Variants in AFF3 observed in about 807,000 individuals in gnomAD.
AFF3 encodes AF4/FMR2 family member 3.
AFF3 carries 32 observed loss-of-function variants against 129.7 expected under a neutral mutation model. The observed-to-expected ratio is 0.25, with a 90% CI of 0.19 to 0.33. The LOEUF is 0.33. Among genes scored for constraint, AFF3 ranks in the 10% least tolerant of loss-of-function variants. The pLI, the probability that AFF3 is intolerant of heterozygous loss-of-function variation, is 1.00. For missense variants in AFF3, 1,373 were observed against 1,592.0 expected (o/e 0.86, Z 2.34); for synonymous variants, 644 against 635.4 (o/e 1.01, Z -0.20).
chr2:100,007,792 C>T (rs570348113), intron 5 of AFF3: 15 of 281,010 alleles, frequency 5.3e-5, no homozygotes, highest in African/African-American at 1.1e-4. Flanking sequence ...CTGACCAACA[C>T]GGCAAAACCC....
intron 4 of AFF3, among the ~76,000 whole-genome samples, chr2:100,074,336 ACT>A (rs1411292793): frequency 6.6e-6 from 1 of 151,262 alleles, no homozygotes; most frequent in Non-Finnish European, 1.5e-5. Context: ...TGTTCTTGCC[ACT>A]CTCTGTGTTC....
At chr2:99,998,381 C>T (rs1576510880) in intron 7 of AFF3, among the ~76,000 whole-genome samples, 2 of 152,092 alleles carry the variant, frequency 1.3e-5, no homozygotes, top group East Asian at 3.9e-4. Flanking sequence ...TGGGGGGTTT[C>T]AGCATGTAGC....
chr2:99,575,490 A>G (rs1239359918), intron 18 of AFF3, among the ~76,000 whole-genome samples: 1 of 146,934 alleles, frequency 6.8e-6, no homozygotes, highest in African/African-American at 2.5e-5. Context: ...CAAGCTCCTG[A>G]CCTCAAGTGA....
At chr2:99,842,029 G>C (rs905017456) in intron 7 of AFF3, among the ~76,000 whole-genome samples, 1 of 152,088 alleles carries the variant, frequency 6.6e-6, no homozygotes, top group Non-Finnish European at 1.5e-5. Flanking sequence ...TAGACCAAAG[G>C]GGGAAGAGAG....
intron 13 of AFF3, among the ~76,000 whole-genome samples, chr2:99,614,888 T>C (rs1681264593): frequency 6.6e-6 from 1 of 152,156 alleles, no homozygotes; most frequent in African/African-American, 2.4e-5. Context: ...TTCAGTTGAA[T>C]AAAGACCCAC....
At chr2:99,848,571 G>A (rs1170569820) in intron 7 of AFF3, among the ~76,000 whole-genome samples, 1 of 152,064 alleles carries the variant, frequency 6.6e-6, no homozygotes. Context: ...TGTGTTTACT[G>A]AATATAAAAT....
intron 7 of AFF3, among the ~76,000 whole-genome samples, chr2:99,873,643 C>A (rs1309974971): frequency 1.3e-5 from 2 of 151,592 alleles, no homozygotes; most frequent in African/African-American, 4.8e-5. Context: ...TATGGAGATG[C>A]CATCTATGGA....
intron 7 of AFF3, among the ~76,000 whole-genome samples, chr2:99,983,368 A>G (rs774874079): frequency 6.6e-6 from 1 of 151,854 alleles, no homozygotes; most frequent in African/African-American, 2.4e-5. Context: ...TCTTGATCCT[A>G]TCTCTGTTTT....
chr2:99,664,751 C>T (rs769803261), intron 12 of AFF3, among the ~76,000 whole-genome samples: 2 of 152,220 alleles, frequency 1.3e-5, no homozygotes, highest in African/African-American at 2.4e-5. Flanking sequence ...ATGCATTTAT[C>T]CACGCATTCG....
intron 7 of AFF3, among the ~76,000 whole-genome samples, chr2:99,987,014 C>T (rs1050867432): frequency 6.6e-6 from 1 of 152,146 alleles, no homozygotes; most frequent in Admixed American, 6.5e-5. Flanking sequence ...AAAGGCCGAT[C>T]GTTACAAACG....
chr2:99,590,819 C>T (rs1476444321), intron 15 of AFF3, among the ~76,000 whole-genome samples: 1 of 151,970 alleles, frequency 6.6e-6, no homozygotes, highest in Admixed American at 6.6e-5. Context: ...AATGGTGAAA[C>T]CCCGTCTGTA....
chr2:99,592,691 T>C (rs1341849366), intron 15 of AFF3, among the ~76,000 whole-genome samples: 1 of 152,148 alleles, frequency 6.6e-6, no homozygotes, highest in Non-Finnish European at 1.5e-5. Flanking sequence ...CCCAGCACTT[T>C]GGGAGGCTGA....
chr2:100,106,499 G>A (rs986999485), intron 2 of AFF3: 2 of 1,001,898 alleles, frequency 2.0e-6, no homozygotes, highest in Non-Finnish European at 1.2e-6. Context: ...TGTTGGAAAT[G>A]TTTGCTTTGG....
intron 11 of AFF3, among the ~76,000 whole-genome samples, chr2:99,681,071 TTC>T (rs1251778537): frequency 6.6e-6 from 1 of 152,120 alleles, no homozygotes; most frequent in Non-Finnish European, 1.5e-5. Context: ...TTTTTTTCTT[TTC>T]TTTTTTTAAA....
At chr2:99,628,907 A>T (rs1025131344) in intron 13 of AFF3, among the ~76,000 whole-genome samples, 5 of 152,044 alleles carry the variant, frequency 3.3e-5, no homozygotes, top group Non-Finnish European at 7.4e-5. Context: ...TTTTTAGTAG[A>T]GACGGGGTTT....
chr2:99,683,461 T>C (rs527519423), intron 11 of AFF3, among the ~76,000 whole-genome samples: 2 of 152,218 alleles, frequency 1.3e-5, no homozygotes, highest in Non-Finnish European at 2.9e-5. Flanking sequence ...TCTTTCTTTT[T>C]TTTTGAGACA....
At chr2:100,015,845 G>A (rs1446219439) in intron 4 of AFF3, among the ~76,000 whole-genome samples, 1 of 151,222 alleles carries the variant, frequency 6.6e-6, no homozygotes, top group African/African-American at 2.4e-5. Context: ...TGATGCTATA[G>A]GTGCGATGGT....
intron 8 of AFF3, among the ~76,000 whole-genome samples, chr2:99,821,440 TAC>T (rs1324645626): frequency 1.3e-5 from 2 of 150,986 alleles, no homozygotes; most frequent in African/African-American, 4.9e-5. Context: ...ACATATAAAA[TAC>T]ACTAACACTA....
chr2:99,945,981 A>T (rs1029588259), intron 7 of AFF3, among the ~76,000 whole-genome samples: 3 of 152,226 alleles, frequency 2.0e-5, no homozygotes, highest in Non-Finnish European at 4.4e-5. Context: ...CGTATGTGCA[A>T]AGCCAGTTAA....
Sources: gnomAD v4.1 joint callset for allele counts (sites outside exome capture counted in the v4.1 genomes callset) on GRCh38, gnomAD v4.1.1 for gene constraint, MANE v1.5 for transcripts, NCBI Gene and HGNC (gene_info 2026-07-23, HGNC 2026-07-21) for gene names.